Variants in MAP7D1 observed in about 807,000 individuals in gnomAD.
MAP7D1 encodes MAP7 domain containing 1.
Under a neutral mutation model 97.5 loss-of-function variants are expected in MAP7D1, and 30 were observed. That is an observed-to-expected ratio of 0.31 (90% CI 0.23 to 0.42). MAP7D1 has a LOEUF of 0.42. Ranked by LOEUF, MAP7D1 falls within the 10% of genes least tolerant of loss-of-function variation. MAP7D1 has a pLI of 1.00. For missense variants in MAP7D1, 1,184 were observed against 1,179.5 expected (o/e 1.00, Z -0.06); for synonymous variants, 536 against 477.1 (o/e 1.12, Z -1.61).
At chr1:36,179,051 TGGGCG>T (rs1228244236) in intron 12 of MAP7D1, 26 bp downstream of exon 12, 1 of 394,930 alleles carries the variant, frequency 2.5e-6, no homozygotes, top group Non-Finnish European at 4.2e-6. Flanking sequence ...CGGGGATTTG[TGGGCG>T]GGGCCTGGGC....
chr1:36,176,219 G>T lies in MAP7D1; in HGVS notation c.871G>T (p.Ala291Ser), dbSNP rs751687706. ...PSRNRSLQLS[A>S]WESSIVDRLM... Reference sequence around the variant, plus strand: ...CCCAGATCGCAGCCTGCAGCTGAGCGCATGGGAGAGCAGCATCGTGGATCG... The same window carrying T: ...CCCAGATCGCAGCCTGCAGCTGAGCTCATGGGAGAGCAGCATCGTGGATCG... Residue 291 changes from alanine (A) to serine (S), a missense_variant, in exon 7 of 17, where the codon GCA becomes TCA. Physicochemically the swap from Ala to Ser is moderately conservative, Grantham distance 99 (BLOSUM62 1). Coordinates refer to ENST00000474796, the MANE Select transcript of MAP7D1 (RefSeq NM_001388490.1). This position sits in a 1 kb window ranked among gnomAD's most constrained non-coding sequence, Gnocchi z 6.1. 6 of 1,607,762 alleles carry T rather than the reference G, an allele frequency of 3.7e-6. No homozygotes were observed. Among genetic ancestry groups the T allele is most frequent in the Middle Eastern group, 2.2e-4 (1 of 4,540 alleles).
At chr1:36,165,281 G>A (rs892066274) in intron 1 of MAP7D1, among the ~76,000 whole-genome samples, 7 of 152,038 alleles carry the variant, frequency 4.6e-5, no homozygotes, top group African/African-American at 1.4e-4. Flanking sequence ...GCACCACCAT[G>A]CCCAGCTGTT....
At chr1:36,175,040 A>C in intron 6 of MAP7D1, 32 bp downstream of exon 6, 1 of 1,419,820 alleles carries the variant, frequency 7.0e-7, no homozygotes, top group Non-Finnish European at 1.0e-6. Flanking sequence ...CCCCCTCCAG[A>C]GCCCCTTGTA....
intron 1 of MAP7D1, among the ~76,000 whole-genome samples, chr1:36,161,023 G>A (rs1570126445): frequency 1.3e-5 from 2 of 152,360 alleles, no homozygotes; most frequent in South Asian, 2.1e-4. Context: ...CCCAGGCTGC[G>A]GGATGGGGTC....
intron 1 of MAP7D1, among the ~76,000 whole-genome samples, chr1:36,158,248 G>A (rs1644363946): frequency 6.6e-6 from 1 of 152,090 alleles, no homozygotes; most frequent in African/African-American, 2.4e-5. Context: ...GGATCTAGAT[G>A]GAGTCACATG....
rs545839803 is a variant in MAP7D1 at position 36,173,367 on chromosome 1, C to T, written c.628C>T (p.Arg210Cys). 1.4e-4 allele frequency: 218 copies of T among 1,612,060 alleles called. No individual in the cohort carries two copies. The highest frequency in any genetic ancestry group is 1.8e-4 in the Non-Finnish European group (210 of 1,178,754). ...TCTTCTCCCCACCTTCCCCCAGGAG[C>T]GCTATGAAGCAGCCATCCAACGGTC... ...QRQKLEKNKERYEAAIQRSVK... is the reference protein window; with the variant it reads ...QRQKLEKNKECYEAAIQRSVK... Residue 210 changes from arginine to cysteine, a missense_variant, in exon 5 of 17, where the codon CGC (arginine) becomes TGC (cysteine). Arg to Cys is a radical substitution (Grantham distance 180, BLOSUM62 -3). Coordinates refer to ENST00000474796, the MANE Select transcript of MAP7D1 (RefSeq NM_001388490.1).
chr1:36,180,602 T>C lies in MAP7D1; in HGVS notation c.*344T>C. The C allele has an allele frequency of 2.8e-6, 1 of 361,686 alleles. No homozygotes were observed. The highest frequency in any genetic ancestry group is 5.2e-6 in the Non-Finnish European group (1 of 192,284). The allele number at this position is 361,686 out of a possible 1,614,324, so 22.4% of individuals were successfully genotyped here. A position where few individuals can be genotyped will look rare whatever the true frequency, so the allele number is the denominator to read the frequency against. ...GTGGATGTGAATACTGTAAATAGCT[T>C]GTGCTCAGACTCCTCTGCGTGGAGA... On this transcript the variant is annotated 3_prime_UTR_variant, in exon 17 of 17. Coordinates refer to ENST00000474796, the MANE Select transcript of MAP7D1 (RefSeq NM_001388490.1).
In MAP7D1 at chr1:36,172,539, G is replaced by A. The variant is rs772737835; in HGVS notation, c.536G>A (p.Arg179Gln). Residue 179 changes from arginine (R) to glutamine (Q), a missense_variant, in exon 4 of 17, where the codon CGG becomes CAG. By Grantham distance (43) the Arg-to-Gln change is conservative (BLOSUM62 1). Coordinates refer to ENST00000474796, the MANE Select transcript of MAP7D1 (RefSeq NM_001388490.1). ...CGGGAGAAGCAGCTCCAGGAGCGCC[G>A]GCGCCGGCTGGAGGAGCAACGTCTT... ...ALREKQLQERRRRLEEQRLKA... is the reference protein window; with the variant it reads ...ALREKQLQERQRRLEEQRLKA... The A allele has an allele frequency of 1.3e-5, 21 of 1,602,710 alleles. No homozygotes were observed. Among genetic ancestry groups the A allele is most frequent in the South Asian group, 3.3e-5 (3 of 90,622 alleles).
chr1:36,172,266 T>C (rs1027145360), intron 3 of MAP7D1, 198 bp from the exon 4 acceptor site: 1 of 455,314 alleles, frequency 2.2e-6, no homozygotes, highest in African/African-American at 2.0e-5. Flanking sequence ...GGAGGAGAAA[T>C]AGGCCTCTCC....
intron 1 of MAP7D1, among the ~76,000 whole-genome samples, chr1:36,168,708 G>A (rs938767968): frequency 4.6e-5 from 7 of 152,074 alleles, no homozygotes; most frequent in East Asian, 3.9e-4. Context: ...GGAATGAGGC[G>A]GAAAATAGTG....
intron 1 of MAP7D1, among the ~76,000 whole-genome samples, chr1:36,166,055 A>G (rs929935860): frequency 7.9e-5 from 12 of 152,114 alleles, no homozygotes; most frequent in African/African-American, 2.9e-4. Context: ...AATAGGGGCT[A>G]AGGGAAGGCT....
In MAP7D1 at chr1:36,171,546, C is replaced by T; in HGVS notation, c.425C>T (p.Ala142Val). 1 of 1,614,170 alleles carries T rather than the reference C, an allele frequency of 6.2e-7. No homozygotes were observed. Among genetic ancestry groups the T allele is most frequent in the Non-Finnish European group, 8.5e-7 (1 of 1,180,014 alleles). Reference protein sequence around the residue: ...VKKAGERHKLAKERREERAKY... With the variant: ...VKKAGERHKLVKERREERAKY... ...AAGGCAGGAGAGAGACACAAGCTGGCAAAGGAGCGGCGAGAAGAGCGGGCC... is the reference window on the plus strand; with the variant it reads ...AAGGCAGGAGAGAGACACAAGCTGGTAAAGGAGCGGCGAGAAGAGCGGGCC... The change falls in exon 3 of 17, where the codon GCA becomes GTA. Residue 142 changes from alanine (A) to valine (V), a missense_variant. Ala to Val is a moderately conservative substitution (Grantham distance 64). Transcript: ENST00000474796.
chr1:36,156,310 CCGGG>C lies in MAP7D1; in HGVS notation c.-106_-103del, dbSNP rs1644327157. ...GCCCCCGCCTCCGAGTCGCTACTTG[CCGGG>C]CCGGGCCGGGCCGGGCGTGATGCGC... is the stretch of plus-strand genomic sequence containing the variant. On this transcript the variant is annotated 5_prime_UTR_variant, in exon 1 of 17. Transcript: ENST00000474796. The C allele has an allele frequency of 1.1e-5, 10 of 927,050 alleles. No homozygotes were observed. The East Asian group carries it at 2.4e-4, about 22-fold the overall frequency. 57.4% of individuals were successfully genotyped at this position (927,050 alleles called of 1,614,324 possible). A position where few individuals can be genotyped will look rare whatever the true frequency, so the allele number is the denominator to read the frequency against.
chr1:36,160,717 G>A (rs1644397798), intron 1 of MAP7D1, among the ~76,000 whole-genome samples: 4 of 152,262 alleles, frequency 2.6e-5, no homozygotes, highest in Admixed American at 2.6e-4. Flanking sequence ...CCAGTGACAA[G>A]GTCTGGCCTG....
intron 1 of MAP7D1, among the ~76,000 whole-genome samples, chr1:36,169,314 C>T (rs11263863): frequency 0.56 from 84,570 of 150,888 alleles, 25,106 homozygotes; most frequent in Non-Finnish European, 0.68. Context: ...CCCAGCACTT[C>T]GGGAGGCTGA....
rs1644689528 is a variant in MAP7D1, at chr1:36,179,719, C to T, written c.2281C>T (p.Gln761Ter). The T allele has an allele frequency of 2.0e-6, 3 of 1,517,430 alleles. No homozygotes were observed. Among genetic ancestry groups the T allele is most frequent in the Admixed American group, 2.3e-5 (1 of 43,956 alleles). The allele number at this position is 1,517,430 out of a possible 1,614,324, so 94.0% of individuals were successfully genotyped here. Residue 761 changes from glutamine (Q) to a stop codon, truncating the protein, a stop_gained, in exon 15 of 17, where the codon CAG (glutamine) becomes TAG (stop). Transcript: ENST00000474796. LOFTEE classifies it high-confidence loss of function. ...CCCAGGGCTGCAGAAGGAGGCTGTGCAGAAAGAGGAGCCCATCCCACAGGA... is the reference window on the plus strand; with the variant it reads ...CCCAGGGCTGCAGAAGGAGGCTGTGTAGAAAGAGGAGCCCATCCCACAGGA... ...RSPGLQKEAV[Q>*]KEEPIPQEPQ... is the part of the protein sequence containing the mutation.
chr1:36,156,399 C>A lies in MAP7D1; in HGVS notation c.-19C>A. 2 of 1,486,518 alleles carry A rather than the reference C, an allele frequency of 1.3e-6. No individual in the cohort carries two copies. Among genetic ancestry groups the A allele is most frequent in the Non-Finnish European group, 1.8e-6 (2 of 1,125,934 alleles). The allele number at this position is 1,486,518 out of a possible 1,614,324, so 92.1% of individuals were successfully genotyped here. A position where few individuals can be genotyped will look rare whatever the true frequency, so the allele number is the denominator to read the frequency against. ...GCCGCCGCCGCTGAGACCCCGAGAC[C>A]CCCAGTGACGCCGCAGCCATGGAGA... On this transcript the variant is annotated 5_prime_UTR_variant, in exon 1 of 17. Transcript: ENST00000474796.
At chr1:36,173,571 C>T in intron 5 of MAP7D1, 93 bp downstream of exon 5, 2 of 917,022 alleles carry the variant, frequency 2.2e-6, no homozygotes, top group African/African-American at 1.7e-5. Context: ...GCTGGTGGCT[C>T]CCTGCAGCAG....
Position 36,176,957 on chromosome 1 carries a change from T to C in MAP7D1, c.1379+115T>C, listed in dbSNP as rs1644636301. ...GCAACTTCCCTGAGGGCAGATTCTC[T>C]CTGTTTTGTTTGAGACAGGATCTCC... On this transcript the variant is annotated intron_variant, in intron 8 of 16. Transcript: ENST00000474796. The surrounding 1 kb of genome is among the most constrained non-coding windows in gnomAD (Gnocchi z 6.1). The C allele has an allele frequency of 6.5e-6, 6 of 926,298 alleles. No individual in the cohort carries two copies. The highest frequency in any genetic ancestry group is 3.4e-4 in the Middle Eastern group (1 of 2,950). 57.4% of individuals were successfully genotyped at this position (926,298 alleles called of 1,614,324 possible).
Sources: gnomAD v4.1 joint callset for allele counts (sites outside exome capture counted in the v4.1 genomes callset) on GRCh38, gnomAD v4.1.1 for gene constraint, Gnocchi (gnomAD v3.1) non-coding constraint, MANE v1.5 for transcripts, NCBI Gene and HGNC (gene_info 2026-07-23, HGNC 2026-07-21) for gene names.